Variants in CACNA2D3 observed in about 807,000 individuals in gnomAD.
CACNA2D3 encodes calcium voltage-gated channel auxiliary subunit alpha2delta 3, also known as voltage-dependent calcium channel subunit alpha-2/delta-3.
CACNA2D3 carries 60 observed loss-of-function variants against 160.6 expected under a neutral mutation model. The observed-to-expected ratio is 0.37, with a 90% CI of 0.30 to 0.46. The LOEUF is 0.46. Ranked by LOEUF, CACNA2D3 falls within the 20% of genes least tolerant of loss-of-function variation. The probability of loss-of-function intolerance (pLI) is 1.00; values close to 1 mark genes in which losing one functional copy is unlikely to be tolerated. For missense variants in CACNA2D3, 1,205 were observed against 1,365.0 expected (o/e 0.88, Z 1.85); for synonymous variants, 558 against 492.9 (o/e 1.13, Z -1.75).
chr3:55,002,088 A>G (rs1266034838), intron 31 of CACNA2D3, among the ~76,000 whole-genome samples: 1 of 151,740 alleles, frequency 6.6e-6, no homozygotes, highest in African/African-American at 2.4e-5. Flanking sequence ...CCTGGGAGGC[A>G]GAGGTTGCAG....
intron 35 of CACNA2D3, among the ~76,000 whole-genome samples, chr3:55,066,766 T>G (rs1704649761): frequency 1.3e-5 from 2 of 152,262 alleles, no homozygotes; most frequent in South Asian, 4.1e-4. Flanking sequence ...CTCGAGGACC[T>G]AATTTATTTC....
chr3:54,375,858 A>G (rs1044116333), intron 3 of CACNA2D3, among the ~76,000 whole-genome samples: 1 of 152,098 alleles, frequency 6.6e-6, no homozygotes, highest in African/African-American at 2.4e-5. Context: ...TGCTAGGGAT[A>G]TAACAGGGGA....
At chr3:54,476,671 C>A (rs1190556451) in intron 4 of CACNA2D3, among the ~76,000 whole-genome samples, 1 of 152,094 alleles carries the variant, frequency 6.6e-6, no homozygotes, top group Non-Finnish European at 1.5e-5. Flanking sequence ...TGTTGATCAC[C>A]TTTCCATATA....
At chr3:54,153,664 A>G (rs911288277) in intron 2 of CACNA2D3, among the ~76,000 whole-genome samples, 3 of 152,088 alleles carry the variant, frequency 2.0e-5, no homozygotes, top group Non-Finnish European at 4.4e-5. Context: ...TTTAAACATG[A>G]CTCACAAGAA....
chr3:54,772,339 A>G (rs1487261399), intron 13 of CACNA2D3, among the ~76,000 whole-genome samples: 1 of 151,986 alleles, frequency 6.6e-6, no homozygotes, highest in Non-Finnish European at 1.5e-5. Flanking sequence ...TAAATAGCTT[A>G]AAAATGACCC....
At chr3:54,974,192 G>C (rs1049976314) in intron 29 of CACNA2D3, among the ~76,000 whole-genome samples, 1 of 152,178 alleles carries the variant, frequency 6.6e-6, no homozygotes, top group Non-Finnish European at 1.5e-5. Flanking sequence ...TAGGATACTT[G>C]TAAAAATCAC....
intron 3 of CACNA2D3, among the ~76,000 whole-genome samples, chr3:54,368,815 C>T (rs945469184): frequency 9.5e-5 from 14 of 147,704 alleles, no homozygotes; most frequent in Non-Finnish European, 1.6e-4. Context: ...CATTCTCCTG[C>T]CTCAGCCTCC....
intron 3 of CACNA2D3, among the ~76,000 whole-genome samples, chr3:54,325,042 T>C (rs1272904099): frequency 6.6e-6 from 1 of 152,196 alleles, no homozygotes; most frequent in African/African-American, 2.4e-5. Flanking sequence ...TTGCATGACC[T>C]TGGTTATATG....
intron 4 of CACNA2D3, among the ~76,000 whole-genome samples, chr3:54,460,042 A>G (rs1186072415): frequency 1.3e-5 from 2 of 151,866 alleles, no homozygotes; most frequent in Non-Finnish European, 2.9e-5. Context: ...TCCTTTCCCC[A>G]TTGCTTGTTT....
chr3:54,377,809 T>C (rs1699035964), intron 3 of CACNA2D3, among the ~76,000 whole-genome samples: 1 of 152,216 alleles, frequency 6.6e-6, no homozygotes, highest in African/African-American at 2.4e-5. Flanking sequence ...TTTTTGGTGA[T>C]GTTCTTGTTA....
chr3:54,715,750 G>A (rs879685041), intron 11 of CACNA2D3, among the ~76,000 whole-genome samples: 1 of 152,180 alleles, frequency 6.6e-6, no homozygotes, highest in Non-Finnish European at 1.5e-5. Context: ...TAGCAGATAT[G>A]TAATGGAATA....
intron 13 of CACNA2D3, among the ~76,000 whole-genome samples, chr3:54,811,895 G>T (rs1316002067): frequency 6.6e-6 from 1 of 152,162 alleles, no homozygotes; most frequent in Non-Finnish European, 1.5e-5. Context: ...TGACCTTGTA[G>T]TTTCAACATC....
chr3:54,297,046 C>T (rs1343535403), intron 2 of CACNA2D3, among the ~76,000 whole-genome samples: 1 of 152,170 alleles, frequency 6.6e-6, no homozygotes. Flanking sequence ...GGTCACCTTT[C>T]CCTTCACTTT....
intron 18 of CACNA2D3, chr3:54,876,404 T>A (rs1699658819): frequency 6.6e-6 from 1 of 152,134 alleles, no homozygotes; most frequent in Non-Finnish European, 1.5e-5. Flanking sequence ...CTCCCTTTCC[T>A]CCTCTGGCAA....
intron 2 of CACNA2D3, among the ~76,000 whole-genome samples, chr3:54,312,727 T>A (rs1703768784): frequency 6.6e-6 from 1 of 152,226 alleles, no homozygotes; most frequent in South Asian, 2.1e-4. Context: ...AAATGCTGAT[T>A]CTGCTAACAG....
intron 2 of CACNA2D3, among the ~76,000 whole-genome samples, chr3:54,294,680 A>G (rs1036469866): frequency 3.9e-5 from 6 of 152,138 alleles, no homozygotes; most frequent in East Asian, 1.9e-4. Flanking sequence ...CTGTCACCCT[A>G]ACTTTCTCTC....
chr3:54,775,248 T>C (rs1702405403), intron 13 of CACNA2D3, among the ~76,000 whole-genome samples: 1 of 152,114 alleles, frequency 6.6e-6, no homozygotes, highest in African/African-American at 2.4e-5. Context: ...ACAAAACTTG[T>C]TGGTAGAATC....
chr3:54,220,291 G>A (rs956391378), intron 2 of CACNA2D3, among the ~76,000 whole-genome samples: 1 of 152,056 alleles, frequency 6.6e-6, no homozygotes, highest in African/African-American at 2.4e-5. Flanking sequence ...TAGGTTTTCA[G>A]TAAAGTCTCA....
intron 8 of CACNA2D3, among the ~76,000 whole-genome samples, chr3:54,577,996 C>T (rs7620494): frequency 0.34 from 51,876 of 152,086 alleles, 9,815 homozygotes; most frequent in Non-Finnish European, 0.43. Flanking sequence ...GCTGTTTGTC[C>T]ATTTCCTTAC....
Sources: allele counts gnomAD v4.1 joint callset (sites outside exome capture counted in the v4.1 genomes callset), GRCh38; gene constraint gnomAD v4.1.1; transcripts MANE v1.5; gene names NCBI Gene and HGNC (gene_info 2026-07-23, HGNC 2026-07-21).